Variants in CPAP observed in about 807,000 individuals in gnomAD.
The protein encoded by CPAP is centrosomal P4.1-associated protein.
chr13:24,898,276 T>C, the CPAP span, among the ~76,000 whole-genome samples: 1 of 152,144 alleles, frequency 6.6e-6, no homozygotes, highest in Non-Finnish European at 1.5e-5. Context: ...TGTCTGGGAT[T>C]TCACTTTTTA....
chr13:24,928,814 G>A, the CPAP span, among the ~76,000 whole-genome samples: 1 of 152,078 alleles, frequency 6.6e-6, no homozygotes, highest in Admixed American at 6.5e-5. Context: ...TCTATTGCTG[G>A]TGTATTGGAC....
the CPAP span, among the ~76,000 whole-genome samples, chr13:24,918,958 GT>G: frequency 6.6e-6 from 1 of 151,922 alleles, no homozygotes; most frequent in Non-Finnish European, 1.5e-5. Context: ...CAAAAAAAAA[GT>G]TTTATGATTT....
At chr13:24,905,592 C>A in the CPAP span, 4 of 1,614,180 alleles carry the variant, frequency 2.5e-6, no homozygotes, top group Non-Finnish European at 3.4e-6. Context: ...TAAGTGGATT[C>A]ATTCCCAAGA....
At chr13:24,933,056 T>C in the CPAP span, 1 of 1,588,218 alleles carries the variant, frequency 6.3e-7, no homozygotes, top group South Asian at 1.1e-5. Flanking sequence ...GTGAAGTACT[T>C]ACCTCGGCAG....
At chr13:24,908,013 A>C in the CPAP span, 3 of 1,578,076 alleles carry the variant, frequency 1.9e-6, no homozygotes, top group Non-Finnish European at 2.6e-6. Flanking sequence ...CAACACGAAC[A>C]ATACCTTTCT....
At chr13:24,915,987 G>C in the CPAP span, among the ~76,000 whole-genome samples, 2 of 152,238 alleles carry the variant, frequency 1.3e-5, no homozygotes, top group African/African-American at 2.4e-5. Flanking sequence ...GAACTTCAAT[G>C]AGAGTAGCTG....
At chr13:24,926,192 G>A in the CPAP span, among the ~76,000 whole-genome samples, 1 of 152,226 alleles carries the variant, frequency 6.6e-6, no homozygotes, top group Non-Finnish European at 1.5e-5. Flanking sequence ...GACTGTGCGG[G>A]AAGTAAGTAA....
the CPAP span, chr13:24,909,847 G>A: frequency 6.2e-7 from 1 of 1,613,956 alleles, no homozygotes; most frequent in Non-Finnish European, 8.5e-7. Context: ...GGTGCTTCTT[G>A]ATACTGTGCC....
the CPAP span, among the ~76,000 whole-genome samples, chr13:24,896,165 G>T: frequency 6.6e-6 from 1 of 152,206 alleles, no homozygotes; most frequent in Non-Finnish European, 1.5e-5. Context: ...ACCAAAACCA[G>T]CAAGAAATAA....
At chr13:24,895,249 C>T in the CPAP span, among the ~76,000 whole-genome samples, 1 of 152,230 alleles carries the variant, frequency 6.6e-6, no homozygotes, top group Non-Finnish European at 1.5e-5. Context: ...CTCCTTGCAG[C>T]GCAGTAGATG....
chr13:24,884,026 T>A, the CPAP span: 1 of 1,613,936 alleles, frequency 6.2e-7, no homozygotes. Context: ...AGGAAATAAG[T>A]TTTTAACAGT....
At chr13:24,885,124 T>C in the CPAP span, 5 of 641,624 alleles carry the variant, frequency 7.8e-6, no homozygotes, top group East Asian at 2.8e-5. Flanking sequence ...CATACAGAGA[T>C]TGTATGCCGC....
chr13:24,891,187 C>T, the CPAP span, among the ~76,000 whole-genome samples: 1 of 151,978 alleles, frequency 6.6e-6, no homozygotes, highest in African/African-American at 2.4e-5. Flanking sequence ...CAGGTGGTCA[C>T]TCTCCTCCTT....
the CPAP span, among the ~76,000 whole-genome samples, chr13:24,927,982 A>G: frequency 0.041 from 6,191 of 152,302 alleles, 213 homozygotes; most frequent in African/African-American, 0.094. Flanking sequence ...TTGTTTACTT[A>G]TGTTGACCAG....
At chr13:24,909,878 C>A in the CPAP span, 8 of 1,612,012 alleles carry the variant, frequency 5.0e-6, no homozygotes, top group East Asian at 1.8e-4. Flanking sequence ...AATTAGGAGA[C>A]GCACGTTTTG....
chr13:24,921,170 T>C, the CPAP span, among the ~76,000 whole-genome samples: 27,965 of 152,146 alleles, frequency 0.18, 2,792 homozygotes, highest in South Asian at 0.32. Context: ...CTGCCGGTTG[T>C]AACCCGAGAC....
the CPAP span, among the ~76,000 whole-genome samples, chr13:24,932,832 C>T: frequency 2.0e-5 from 3 of 152,210 alleles, no homozygotes; most frequent in Non-Finnish European, 4.4e-5. Flanking sequence ...CTTAAACCAA[C>T]ACACATGTTG....
chr13:24,884,602 G>A, the CPAP span: 1 of 827,066 alleles, frequency 1.2e-6, no homozygotes, highest in South Asian at 1.4e-5. Context: ...ATTTCGTGAG[G>A]AGTAGCAAAC....
At chr13:24,907,300 T>C in the CPAP span, 1 of 914,364 alleles carries the variant, frequency 1.1e-6, no homozygotes, top group Non-Finnish European at 1.7e-6. Flanking sequence ...AACTAACTTT[T>C]CCCAAAATCA....
Sources: gnomAD v4.1 joint callset for allele counts (sites outside exome capture counted in the v4.1 genomes callset) on GRCh38, gnomAD v4.1.1 for gene constraint, MANE v1.5 for transcripts, NCBI Gene and HGNC (gene_info 2026-07-23, HGNC 2026-07-21) for gene names.